The following CMSS1 variants were observed in gnomAD, a reference collection of about 807,000 sequenced individuals.
CMSS1 encodes the protein cms1 ribosomal small subunit homolog.
In CMSS1, 33 loss-of-function variants were observed where a neutral mutation model predicts 43.5. The observed-to-expected ratio is 0.76, with a 90% CI of 0.57 to 1.01. The LOEUF (loss-of-function observed/expected upper bound fraction) is 1.01, where lower values mean the gene tolerates loss of function less well. CMSS1 is among the 50% of genes least tolerant of loss of function. CMSS1 has a pLI of 0.00. For synonymous variants in CMSS1, 115 were observed against 117.2 expected, an observed-to-expected ratio of 0.98 and a Z score of 0.12; for missense variants, 313 against 326.4, an observed-to-expected ratio of 0.96 and a Z score of 0.32.
chr3:100,008,258 A>G (rs190604270), intron 1 of CMSS1, among the ~76,000 whole-genome samples: 30 of 152,310 alleles, frequency 2.0e-4, no homozygotes, highest in Admixed American at 1.6e-3. Flanking sequence ...CTGCTTCCCA[A>G]TTAGATTCCC....
intron 1 of CMSS1, among the ~76,000 whole-genome samples, chr3:99,924,668 G>A (rs889153302): frequency 2.6e-5 from 4 of 152,096 alleles, no homozygotes; most frequent in Non-Finnish European, 5.9e-5. Context: ...ACAGGCATGC[G>A]CCACCATGCC....
At chr3:99,961,886 A>G (rs1165647818) in intron 1 of CMSS1, among the ~76,000 whole-genome samples, 2 of 125,138 alleles carry the variant, frequency 1.6e-5, no homozygotes, top group African/African-American at 6.8e-5. Context: ...CATTAGACAC[A>G]GCTAGAAACT....
intron 1 of CMSS1, among the ~76,000 whole-genome samples, chr3:99,995,901 C>G (rs549781402): frequency 2.6e-5 from 4 of 152,200 alleles, no homozygotes; most frequent in Non-Finnish European, 5.9e-5. Flanking sequence ...ACCATTTTCT[C>G]GTAGGCCTCT....
At chr3:100,126,930 G>A (rs1195790523) in intron 1 of CMSS1, among the ~76,000 whole-genome samples, 1 of 151,916 alleles carries the variant, frequency 6.6e-6, no homozygotes, top group Admixed American at 6.6e-5. Context: ...CCCGGGAGGC[G>A]GAGCTTGCAG....
At chr3:100,021,490 T>C (rs540748675) in intron 1 of CMSS1, among the ~76,000 whole-genome samples, 3 of 152,292 alleles carry the variant, frequency 2.0e-5, no homozygotes, top group African/African-American at 7.2e-5. Flanking sequence ...AGAAAATTCC[T>C]GTAATGTTTT....
intron 1 of CMSS1, among the ~76,000 whole-genome samples, chr3:100,107,326 G>A (rs1192672060): frequency 6.6e-6 from 1 of 152,122 alleles, no homozygotes. Context: ...CTGGGAAAAT[G>A]ACAAAGTGCA....
At chr3:100,009,005 C>G (rs1710067648) in intron 1 of CMSS1, among the ~76,000 whole-genome samples, 1 of 152,112 alleles carries the variant, frequency 6.6e-6, no homozygotes, top group African/African-American at 2.4e-5. Context: ...TAGTTTTAGC[C>G]TCAACATCCA....
chr3:99,903,486 G>A (rs1485963708), intron 1 of CMSS1, among the ~76,000 whole-genome samples: 5 of 152,004 alleles, frequency 3.3e-5, no homozygotes, highest in Non-Finnish European at 5.9e-5. Context: ...CCCTGACCTC[G>A]TGATCCACCT....
intron 1 of CMSS1, among the ~76,000 whole-genome samples, chr3:99,869,219 GA>G (rs1210138227): frequency 2.0e-5 from 3 of 152,162 alleles, no homozygotes; most frequent in African/African-American, 4.8e-5. Context: ...TTAAAGTCCA[GA>G]TGGGGAAAAT....
chr3:100,139,649 T>A (rs2066788576), intron 1 of CMSS1, among the ~76,000 whole-genome samples: 1 of 149,338 alleles, frequency 6.7e-6, no homozygotes, highest in African/African-American at 2.5e-5. Flanking sequence ...ACACAAAAAT[T>A]AGCTGGGCAT....
At chr3:100,040,422 A>T (rs1411906707) in intron 1 of CMSS1, 2 of 152,212 alleles carry the variant, frequency 1.3e-5, no homozygotes, top group Non-Finnish European at 2.9e-5. Flanking sequence ...TTTAATATAG[A>T]TGAGTACACA....
At chr3:99,883,396 A>C (rs1392862125) in intron 1 of CMSS1, among the ~76,000 whole-genome samples, 1 of 152,144 alleles carries the variant, frequency 6.6e-6, no homozygotes, top group Admixed American at 6.5e-5. Flanking sequence ...ATATTATATC[A>C]TTTTAGTCTT....
At chr3:100,157,946 T>C (rs764716587) in intron 2 of CMSS1, among the ~76,000 whole-genome samples, 3 of 152,178 alleles carry the variant, frequency 2.0e-5, no homozygotes, top group Non-Finnish European at 4.4e-5. Flanking sequence ...GTCGAGCAGG[T>C]CAAAGACTTA....
rs1446585053 is a variant in CMSS1, at chr3:100,181,224, C to T, written c.*2836C>T. The T allele has an allele frequency of 6.6e-6, 1 of 152,200 alleles. No homozygotes were observed. The highest frequency in any genetic ancestry group is 1.5e-5 in the Non-Finnish European group (1 of 68,030). The allele number at this position is 152,200 out of a possible 1,614,324, so 9.4% of individuals were successfully genotyped here. On this transcript the variant is annotated 3_prime_UTR_variant, in exon 10 of 10. Coordinates refer to ENST00000421999, the MANE Select transcript of CMSS1 (RefSeq NM_032359.4). ...ATCAGCAGGGTAGTGGTAGAAAGAGCATCAAGTGAATTTGGCCCTTTGTAA... is the reference window on the plus strand; with the variant it reads ...ATCAGCAGGGTAGTGGTAGAAAGAGTATCAAGTGAATTTGGCCCTTTGTAA...
intron 1 of CMSS1, among the ~76,000 whole-genome samples, chr3:99,895,222 A>G (rs1393079835): frequency 3.0e-4 from 46 of 152,172 alleles, no homozygotes; most frequent in Admixed American, 3.0e-3. Context: ...TAGCTGTCTC[A>G]GGTTCAAGCA....
At chr3:99,911,476 A>G (rs1706785274) in intron 1 of CMSS1, among the ~76,000 whole-genome samples, 1 of 151,946 alleles carries the variant, frequency 6.6e-6, no homozygotes, top group Non-Finnish European at 1.5e-5. Flanking sequence ...TTTCTGCATG[A>G]CGAATGTCTC....
chr3:99,963,584 T>C (rs898184121), intron 1 of CMSS1, among the ~76,000 whole-genome samples: 2 of 152,142 alleles, frequency 1.3e-5, no homozygotes, highest in East Asian at 1.9e-4. Context: ...CTCTTTGCCT[T>C]GATGGTGTTA....
intron 6 of CMSS1, among the ~76,000 whole-genome samples, chr3:100,170,515 A>G (rs1352798342): frequency 6.6e-6 from 1 of 152,216 alleles, no homozygotes; most frequent in African/African-American, 2.4e-5. Flanking sequence ...GTTGGGAAAC[A>G]TTATCAGTTG....
chr3:99,918,544 C>T (rs1479065735), intron 1 of CMSS1, among the ~76,000 whole-genome samples: 2 of 152,142 alleles, frequency 1.3e-5, no homozygotes, highest in African/African-American at 4.8e-5. Flanking sequence ...GAAAAGCAAT[C>T]AGGTAGCATT....
Sources: gnomAD v4.1 joint callset for allele counts (sites outside exome capture counted in the v4.1 genomes callset) on GRCh38, gnomAD v4.1.1 for gene constraint, MANE v1.5 for transcripts, NCBI Gene and HGNC (gene_info 2026-07-23, HGNC 2026-07-21) for gene names.